BCKDHB: variants seen among roughly 807,000 people sequenced by gnomAD.
The protein encoded by BCKDHB is branched chain keto acid dehydrogenase E1 subunit beta.
A neutral mutation model predicts 48.5 loss-of-function variants in BCKDHB; 41 were observed. The ratio of observed to expected loss-of-function variants is 0.85; its 90% CI spans 0.66 to 1.10. The LOEUF (loss-of-function observed/expected upper bound fraction) is 1.10, where lower values mean the gene tolerates loss of function less well. Ranked by LOEUF, BCKDHB falls within the 50% of genes least tolerant of loss-of-function variation. The pLI, the probability that BCKDHB is intolerant of heterozygous loss-of-function variation, is 0.00. For synonymous variants in BCKDHB, 201 were observed against 174.8 expected (o/e 1.15, Z -1.18); for missense variants, 496 against 494.2 (o/e 1.00, Z -0.03).
chr6:80,352,708 T>G, the BCKDHB span, among the ~76,000 whole-genome samples: 1 of 152,230 alleles, frequency 6.6e-6, no homozygotes, highest in Admixed American at 6.5e-5. Flanking sequence ...GCTCAATTTT[T>G]TAAAATATGT....
chr6:80,161,119 G>T (rs983054811), intron 3 of BCKDHB, among the ~76,000 whole-genome samples: 23 of 152,070 alleles, frequency 1.5e-4, no homozygotes, highest in Non-Finnish European at 5.9e-5. Flanking sequence ...AGCTTGGTTT[G>T]CAGCACTTTG....
At chr6:80,393,010 C>G in the BCKDHB span, among the ~76,000 whole-genome samples, 17 of 151,716 alleles carry the variant, frequency 1.1e-4, no homozygotes, top group African/African-American at 4.1e-4. Flanking sequence ...AATATTGACT[C>G]TCTAATACAT....
intron 9 of BCKDHB, among the ~76,000 whole-genome samples, chr6:80,314,577 G>A (rs1479626440): frequency 1.3e-5 from 2 of 152,214 alleles, no homozygotes; most frequent in African/African-American, 2.4e-5. Context: ...TTTGTAACTC[G>A]GGGTCTCATT....
intron 8 of BCKDHB, among the ~76,000 whole-genome samples, chr6:80,208,234 G>A (rs920711634): frequency 2.6e-5 from 4 of 151,842 alleles, no homozygotes; most frequent in Middle Eastern, 3.4e-3. Context: ...CTAAATAACC[G>A]TGGATTACAG....
intron 8 of BCKDHB, among the ~76,000 whole-genome samples, chr6:80,222,915 A>G (rs1006504145): frequency 1.8e-4 from 28 of 152,284 alleles, no homozygotes; most frequent in African/African-American, 6.5e-4. Flanking sequence ...AATTCTAACA[A>G]ACTTTTTACT....
chr6:80,446,720 A>ATTTTTTTT, the BCKDHB span, among the ~76,000 whole-genome samples: 2 of 111,350 alleles, frequency 1.8e-5, no homozygotes, highest in Non-Finnish European at 3.6e-5. Flanking sequence ...CTTCTGGACA[A>ATTTTTTTT]TTTTTTTTTT....
At chr6:80,436,036 A>T in the BCKDHB span, among the ~76,000 whole-genome samples, 2 of 152,114 alleles carry the variant, frequency 1.3e-5, no homozygotes, top group Non-Finnish European at 2.9e-5. Flanking sequence ...GAAAATTAAA[A>T]GAAGTTATAG....
At chr6:80,370,644 C>A in the BCKDHB span, among the ~76,000 whole-genome samples, 1 of 152,078 alleles carries the variant, frequency 6.6e-6, no homozygotes, top group Non-Finnish European at 1.5e-5. Context: ...TGAAAACATA[C>A]AATGTTTGGC....
At position 80,248,902 on chromosome 6, in the gene BCKDHB, A is replaced by ATGTGTGTGTGTGTG. The variant is rs3077568; in HGVS notation, c.952-24219_952-24206dup. On this transcript the variant is annotated intron_variant, in intron 8 of 9. Transcript: ENST00000320393. ...GTTGGAAGTTTGTGTGTGTGTGTGT[A>ATGTGTGTGTGTGTG]TGTGTGTGTGTGTGTGTGTGTGTGT... is the stretch of plus-strand genomic sequence containing the variant. 4.1e-5 allele frequency among the ~76,000 whole-genome samples: 6 copies of ATGTGTGTGTGTGTG among 146,792 alleles called. No homozygotes were observed. In the South Asian group the frequency reaches 1.3e-3, roughly 32 times the overall value.
intron 1 of BCKDHB, among the ~76,000 whole-genome samples, chr6:80,107,560 T>TATATATATATGCACAC (rs1554181394): frequency 2.2e-4 from 28 of 125,752 alleles, no homozygotes; most frequent in African/African-American, 8.1e-4. Context: ...TATATATGCA[T>TATATATATATGCACAC]ATATATATGC....
intron 8 of BCKDHB, among the ~76,000 whole-genome samples, chr6:80,271,745 G>A (rs893333353): frequency 6.6e-5 from 10 of 151,648 alleles, no homozygotes; most frequent in Non-Finnish European, 1.3e-4. Flanking sequence ...GGTCTGATTC[G>A]GAGGTTGCAG....
chr6:80,167,825 C>T lies in BCKDHB; in HGVS notation c.477+14C>T, dbSNP rs112504381. On this transcript the variant is annotated intron_variant, in intron 4 of 9. Coordinates refer to ENST00000320393, the MANE Select transcript of BCKDHB (RefSeq NM_183050.4). ...GCATTTGATCAGGTAAGTGAATGAACATTTCTAAGGTTGTTCATTCATTGA... is the reference window on the plus strand; with the variant it reads ...GCATTTGATCAGGTAAGTGAATGAATATTTCTAAGGTTGTTCATTCATTGA... 3.3e-4 allele frequency: 533 copies of T among 1,612,426 alleles called. 3 individuals are homozygous for T. The African/African-American group carries it at 5.9e-3, about 18-fold the overall frequency.
At chr6:80,161,051 A>G (rs1211674337) in intron 3 of BCKDHB, among the ~76,000 whole-genome samples, 1 of 152,176 alleles carries the variant, frequency 6.6e-6, no homozygotes, top group Non-Finnish European at 1.5e-5. Flanking sequence ...CAGAGTGGGC[A>G]TAGTTTTTTC....
At chr6:80,268,657 A>G (rs555058375) in intron 8 of BCKDHB, among the ~76,000 whole-genome samples, 2 of 152,238 alleles carry the variant, frequency 1.3e-5, no homozygotes, top group East Asian at 1.9e-4. Context: ...TTGCTTTTCA[A>G]ATGTCGATGT....
At chr6:80,308,526 T>A (rs1767985099) in intron 9 of BCKDHB, among the ~76,000 whole-genome samples, 2 of 152,014 alleles carry the variant, frequency 1.3e-5, no homozygotes, top group African/African-American at 2.4e-5. Flanking sequence ...GTAGATATAA[T>A]TAAACAGTAC....
At chr6:80,341,646 AACT>A (rs1175586772) in intron 9 of BCKDHB, among the ~76,000 whole-genome samples, 1 of 152,190 alleles carries the variant, frequency 6.6e-6, no homozygotes, top group Non-Finnish European at 1.5e-5. Context: ...ATACCAACAG[AACT>A]TCTTGTGGTA....
chr6:80,197,960 ATC>A (rs1774209482), intron 6 of BCKDHB, among the ~76,000 whole-genome samples: 1 of 151,476 alleles, frequency 6.6e-6, no homozygotes, highest in African/African-American at 2.4e-5. Flanking sequence ...CCATCCATCC[ATC>A]CATCCATCCA....
chr6:80,409,151 A>T, the BCKDHB span, among the ~76,000 whole-genome samples: 2 of 152,096 alleles, frequency 1.3e-5, no homozygotes, highest in African/African-American at 4.8e-5. Flanking sequence ...ATTCAGGAGC[A>T]GGTTGTTCAG....
chr6:80,185,011 A>G (rs188397047), intron 6 of BCKDHB, among the ~76,000 whole-genome samples: 4 of 152,172 alleles, frequency 2.6e-5, no homozygotes, highest in African/African-American at 7.2e-5. Context: ...GTTTTTCTCT[A>G]TTATCCCCTC....
Sources: gnomAD v4.1 joint callset for allele counts (sites outside exome capture counted in the v4.1 genomes callset) on GRCh38, gnomAD v4.1.1 for gene constraint, MANE v1.5 for transcripts, NCBI Gene and HGNC (gene_info 2026-07-23, HGNC 2026-07-21) for gene names.